Variants in PSIP1 observed in about 807,000 individuals in gnomAD.
The protein encoded by PSIP1 is PC4 and SFRS1-interacting protein.
Under a neutral mutation model 74.7 loss-of-function variants are expected in PSIP1, and 19 were observed. The observed-to-expected ratio is 0.25, with a 90% CI of 0.18 to 0.37. PSIP1 has a LOEUF of 0.37. Among genes scored for constraint, PSIP1 ranks in the 10% least tolerant of loss-of-function variants. PSIP1 has a pLI of 1.00. For synonymous variants in PSIP1, 222 were observed against 195.3 expected, an observed-to-expected ratio of 1.14 and a Z score of -1.14; for missense variants, 601 against 614.3, an observed-to-expected ratio of 0.98 and a Z score of 0.23.
chr9:15,470,587 T>C, intron 10 of PSIP1: 7 of 946,016 alleles, frequency 7.4e-6, no homozygotes, highest in Non-Finnish European at 8.8e-6. Flanking sequence ...TCAGGCCATA[T>C]TATGAACCAA....
intron 6 of PSIP1, among the ~76,000 whole-genome samples, chr9:15,481,237 C>A (rs958000808): frequency 6.6e-6 from 1 of 152,154 alleles, no homozygotes; most frequent in Non-Finnish European, 1.5e-5. Context: ...CCCCAGGTAA[C>A]AAAGCTTAAG....
At chr9:15,498,166 A>G (rs1411358897) in intron 3 of PSIP1, among the ~76,000 whole-genome samples, 2 of 152,206 alleles carry the variant, frequency 1.3e-5, no homozygotes, top group Non-Finnish European at 2.9e-5. Context: ...CCCCAGCCCC[A>G]GCACTTTGGG....
At chr9:15,504,711 T>A (rs2037504480) in intron 3 of PSIP1, among the ~76,000 whole-genome samples, 1 of 149,454 alleles carries the variant, frequency 6.7e-6, no homozygotes, top group Non-Finnish European at 1.5e-5. Flanking sequence ...CACTCCAGCC[T>A]GGGCAACAGA....
chr9:15,500,329 G>A (rs1376835256), intron 3 of PSIP1, among the ~76,000 whole-genome samples: 1 of 152,256 alleles, frequency 6.6e-6, no homozygotes, highest in South Asian at 2.1e-4. Flanking sequence ...GCTGGGTGTG[G>A]TGGCGAGCGC....
At chr9:15,492,332 C>T (rs1365975547) in intron 3 of PSIP1, 2 of 152,252 alleles carry the variant, frequency 1.3e-5, no homozygotes, top group Non-Finnish European at 2.9e-5. Flanking sequence ...AACAAAGGGG[C>T]TACAGGCCCC....
chr9:15,470,723 A>G (rs2035787228), intron 10 of PSIP1: 5 of 954,672 alleles, frequency 5.2e-6, no homozygotes, highest in Non-Finnish European at 6.3e-6. Context: ...CTCAGGATTA[A>G]AAAAACATTT....
chr9:15,504,392 C>T (rs572847718), intron 3 of PSIP1, among the ~76,000 whole-genome samples: 3 of 152,234 alleles, frequency 2.0e-5, no homozygotes, highest in South Asian at 2.1e-4. Context: ...AAGGGATAAT[C>T]ATTCCTCTTC....
Position 15,472,662 on chromosome 9 carries a change from C to T in PSIP1, c.947G>A (p.Arg316His), listed in dbSNP as rs758481578. The change falls in exon 10 of 16, where the codon CGC (arginine) becomes CAC (histidine). Residue 316 changes from arginine to histidine, a missense_variant. Transcript: ENST00000380733. ...AGTTTCCATTTGTTCCTCTTGCTTG[C>T]GTTTTCGATCTGCTGCTTCTTTCTC... is the stretch of plus-strand genomic sequence containing the variant. ...QHEKEAADRK[R>H]KQEEQMETEQ... 17 of 1,604,376 alleles carry T rather than the reference C, an allele frequency of 1.1e-5. No homozygotes were observed. The highest frequency in any genetic ancestry group is 1.7e-4 in the Middle Eastern group (1 of 6,054).
rs1247040078 is a variant in PSIP1 at position 15,470,008 on chromosome 9, C to G, written c.978-15G>C. 3.8e-6 allele frequency: 6 copies of G among 1,593,116 alleles called. No individual in the cohort carries two copies. Among genetic ancestry groups the G allele is most frequent in the Non-Finnish European group, 5.1e-6 (6 of 1,167,694 alleles). On this transcript the variant is annotated splice_polypyrimidine_tract_variant and intron_variant, in intron 10 of 15. Coordinates refer to ENST00000380733, the MANE Select transcript of PSIP1 (RefSeq NM_033222.5). ...CTTTATTCTGCCTATCAAATGTTAA[C>G]AAAAATATTTCAACACATTGGAATT...
intron 10 of PSIP1, 143 bp downstream of exon 10, chr9:15,472,489 T>C (rs903032305): frequency 1.4e-6 from 2 of 1,418,432 alleles, no homozygotes; most frequent in Admixed American, 3.3e-5. Flanking sequence ...ATCATCATCA[T>C]ATATTGAAGA....
chr9:15,474,308 T>TA (rs2035982360), intron 8 of PSIP1, 71 bp from the exon 9 acceptor site: 1 of 1,318,026 alleles, frequency 7.6e-7, no homozygotes, highest in Non-Finnish European at 1.0e-6. Flanking sequence ...CAGTAAGCTA[T>TA]AATTTTTAAT....
intron 4 of PSIP1, among the ~76,000 whole-genome samples, chr9:15,487,162 T>C (rs1587501415): frequency 6.6e-6 from 1 of 151,026 alleles, no homozygotes; most frequent in Non-Finnish European, 1.5e-5. Flanking sequence ...ATTGCACCAC[T>C]GTACCCCAGC....
chr9:15,494,648 T>C (rs2036992556), intron 3 of PSIP1, among the ~76,000 whole-genome samples: 2 of 151,884 alleles, frequency 1.3e-5, no homozygotes, highest in Non-Finnish European at 2.9e-5. Flanking sequence ...GCTTTATTAT[T>C]TAAATTCTGT....
intron 6 of PSIP1, 60 bp from the exon 7 acceptor site, chr9:15,479,747 C>T (rs538405023): frequency 9.7e-6 from 13 of 1,338,822 alleles, no homozygotes; most frequent in South Asian, 4.8e-5. Flanking sequence ...AAGTTTAATT[C>T]GATGGCAAAA....
chr9:15,494,304 T>C (rs982274091), intron 3 of PSIP1, among the ~76,000 whole-genome samples: 2 of 152,088 alleles, frequency 1.3e-5, no homozygotes, highest in East Asian at 1.9e-4. Flanking sequence ...TGGTGGCTCA[T>C]GCCTATAATC....
At chr9:15,488,779 TG>T (rs1344263197) in intron 4 of PSIP1, among the ~76,000 whole-genome samples, 1 of 151,952 alleles carries the variant, frequency 6.6e-6, no homozygotes, top group Non-Finnish European at 1.5e-5. Flanking sequence ...CCCAACACTC[TG>T]GGGGGCCGAG....
chr9:15,465,665 T>A, intron 15 of PSIP1, 85 bp from the exon 16 acceptor site: 1 of 1,175,506 alleles, frequency 8.5e-7, no homozygotes, highest in Non-Finnish European at 1.2e-6. Flanking sequence ...CATTATATTT[T>A]TAAACCCATG....
Position 15,486,838 on chromosome 9 carries a change from C to T in PSIP1, c.382G>A (p.Ala128Thr). The T allele has an allele frequency of 1.2e-6, 2 of 1,602,246 alleles. No individual in the cohort carries two copies. Among genetic ancestry groups the T allele is most frequent in the Non-Finnish European group, 1.7e-6 (2 of 1,172,510 alleles). ...GAAATAGAACATACCTCATTGCTGG[C>T]TTTTTCTTCATGGTCGGTATCTTCC... ...SKEDTDHEEK[A>T]SNEDVTKAVD... is the part of the protein sequence containing the mutation. The change falls in exon 5 of 16, where the codon GCC (alanine) becomes ACC (threonine). Residue 128 changes from alanine to threonine, a missense_variant. Transcript: ENST00000380733.
rs1208812016 is a variant in PSIP1, at chr9:15,509,694, T to C, written c.72+423A>G. ...ACCCTGTAAATCCAATTTAATCACA[T>C]ACGCACTTCTCTGACATCCAAGTGT... is the stretch of plus-strand genomic sequence containing the variant. On this transcript the variant is annotated intron_variant, in intron 2 of 15. Transcript: ENST00000380733. 2.6e-4 allele frequency among the ~76,000 whole-genome samples: 39 copies of C among 152,210 alleles called. 2 individuals carry two copies. Among genetic ancestry groups the C allele is most frequent in the Admixed American group, 2.4e-3 (37 of 15,284 alleles).
Sources: gnomAD v4.1 joint callset for allele counts (sites outside exome capture counted in the v4.1 genomes callset) on GRCh38, gnomAD v4.1.1 for gene constraint, MANE v1.5 for transcripts, NCBI Gene and HGNC (gene_info 2026-07-23, HGNC 2026-07-21) for gene names.